The following ENTR1 variants were observed in gnomAD, a reference collection of about 807,000 sequenced individuals.
ENTR1 encodes the protein endosome associated trafficking regulator 1, also known as endosome-associated-trafficking regulator 1.
In ENTR1, 47 loss-of-function variants were observed where a neutral mutation model predicts 47.9. The observed-to-expected ratio is 0.98, with a 90% CI of 0.78 to 1.25. The LOEUF (loss-of-function observed/expected upper bound fraction) is 1.25, where lower values mean the gene tolerates loss of function less well. Among genes scored for constraint, ENTR1 ranks in the 50% most tolerant of loss-of-function variants. The pLI is 0.00. For missense variants in ENTR1, 668 were observed against 570.5 expected, an observed-to-expected ratio of 1.17 and a Z score of -1.74; for synonymous variants, 290 against 245.8, an observed-to-expected ratio of 1.18 and a Z score of -1.68.
At chr9:136,410,010 C>T (rs1302799086) in intron 2 of ENTR1, 80 bp downstream of exon 2, 14 of 1,535,100 alleles carry the variant, frequency 9.1e-6, no homozygotes, top group South Asian at 2.3e-5. Context: ...GGTCAATGGA[C>T]GAGCTCGTGC....
At chr9:136,403,157 C>T (rs1465936342) in intron 9 of ENTR1, among the ~76,000 whole-genome samples, 1 of 7,146 alleles carries the variant, frequency 1.4e-4, no homozygotes, top group South Asian at 5.7e-3. Context: ...GGAGGAATTC[C>T]GGGGGTGGGG....
intron 2 of ENTR1, 57 bp from the exon 3 acceptor site, chr9:136,409,124 T>C (rs1314462947): frequency 3.9e-6 from 6 of 1,544,802 alleles, no homozygotes; most frequent in Admixed American, 1.7e-5. Context: ...GACCTCACAT[T>C]TGGTTTTTTT....
intron 7 of ENTR1, 84 bp from the exon 8 acceptor site, chr9:136,404,777 A>G (rs1834682672): frequency 2.1e-6 from 3 of 1,434,734 alleles, no homozygotes; most frequent in East Asian, 4.6e-5. Context: ...CCCAGGGAGC[A>G]GGAGGGCACC....
intron 2 of ENTR1, 111 bp downstream of exon 2, chr9:136,409,979 T>C: frequency 7.5e-7 from 1 of 1,332,194 alleles, no homozygotes; most frequent in South Asian, 1.2e-5. Context: ...TGGCACGCAG[T>C]GAGCGCTCTG....
At position 136,405,212 on chromosome 9, in the gene ENTR1, G is replaced by A. The variant is rs1440465866; in HGVS notation, c.894-10C>T. ...CTCAAGCGTCCTCACCCTTGTTAAAGAAAAACCCGAGTTGTTAATTTCTGT... is the reference window on the plus strand; with the variant it reads ...CTCAAGCGTCCTCACCCTTGTTAAAAAAAAACCCGAGTTGTTAATTTCTGT... On this transcript the variant is annotated splice_polypyrimidine_tract_variant and intron_variant, in intron 6 of 9. Transcript: ENST00000357365. The A allele has an allele frequency of 1.2e-6, 2 of 1,605,916 alleles. No homozygotes were observed. The highest frequency in any genetic ancestry group is 1.7e-5 in the Admixed American group (1 of 59,928).
In ENTR1 at chr9:136,407,905, G is replaced by C. The variant is rs777890644; in HGVS notation, c.323C>G (p.Pro108Arg). 6.2e-7 allele frequency: 1 copy of C among 1,611,984 alleles called. No homozygotes were observed. Among genetic ancestry groups the C allele is most frequent in the East Asian group, 2.2e-5 (1 of 44,874 alleles). Reference sequence around the variant, plus strand: ...CTTCAGAAACTCTCTAAAAGAGAATGGATTTGCCTCTTCCAGATCTTCAAA... The same window carrying C: ...CTTCAGAAACTCTCTAAAAGAGAATCGATTTGCCTCTTCCAGATCTTCAAA... ...DRFEDLEEAN[P>R]FSFREFLKTK... The change falls in exon 4 of 10, where the codon CCA (proline) becomes CGA (arginine). Residue 108 changes from proline (P) to arginine (R), a missense_variant. Transcript: ENST00000357365.
chr9:136,402,832 T>C lies in ENTR1; in HGVS notation c.1264A>G (p.Ile422Val), dbSNP rs372116420. Residue 422 changes from isoleucine (I) to valine (V), a missense_variant, in exon 10 of 10, where the codon ATA (isoleucine) becomes GTA (valine). Coordinates refer to ENST00000357365, the MANE Select transcript of ENTR1 (RefSeq NM_001039707.2). ...LNLVAEILKSIDRISEVKDEE... is the reference protein window; with the variant it reads ...LNLVAEILKSVDRISEVKDEE... Reference sequence around the variant, plus strand: ...TCTTTAACTTCAGAAATTCTGTCTATAGATTTAAGGATTTCGGCAACAAGA... The same window carrying C: ...TCTTTAACTTCAGAAATTCTGTCTACAGATTTAAGGATTTCGGCAACAAGA... 3.1e-6 allele frequency: 5 copies of C among 1,612,876 alleles called. No homozygotes were observed. The highest frequency in any genetic ancestry group is 1.3e-5 in the African/African-American group (1 of 74,746).
chr9:136,406,985 A>C (rs571515513), intron 5 of ENTR1, 160 bp downstream of exon 5: 2 of 705,286 alleles, frequency 2.8e-6, no homozygotes, highest in African/African-American at 3.6e-5. Flanking sequence ...GTGTAACCAG[A>C]AGCAAAGTCA....
rs934516836 is a variant in ENTR1, at chr9:136,410,185, G to C, written c.125C>G (p.Pro42Arg). Residue 42 changes from proline (P) to arginine (R), a missense_variant, in exon 2 of 10, where the codon CCC becomes CGC. By Grantham distance (103) the Pro-to-Arg change is moderately radical. Transcript: ENST00000357365. ...GGGGGAGTCCAGGTCCCTGCCATGG[G>C]GGCGCTCACAATTTAGCTGGGGGAG... Reference protein sequence around the residue: ...SCLPQLNCERPHGRDLDSPFF... With the variant: ...SCLPQLNCERRHGRDLDSPFF... The C allele has an allele frequency of 9.3e-6, 15 of 1,607,700 alleles. No individual in the cohort carries two copies. The highest frequency in any genetic ancestry group is 1.3e-5 in the Non-Finnish European group (15 of 1,177,966).
chr9:136,407,486 G>A lies in ENTR1; in HGVS notation c.478C>T (p.Gln160Ter). 6.2e-7 allele frequency: 1 copy of A among 1,609,148 alleles called. No homozygotes were observed. Among genetic ancestry groups the A allele is most frequent in the Non-Finnish European group, 8.5e-7 (1 of 1,179,642 alleles). Residue 160 changes from glutamine (Q) to a stop codon, truncating the protein, a stop_gained, in exon 5 of 10, where the codon CAG (glutamine) becomes TAG (stop). Coordinates refer to ENST00000357365, the MANE Select transcript of ENTR1 (RefSeq NM_001039707.2). LOFTEE classifies it high-confidence loss of function. ...SQTGGYGLEY[Q>*]QPFFEDPTGA... Reference sequence around the variant, plus strand: ...GTCGGATCCTCGAAAAATGGCTGCTGATACTCCAGGCCATACCCGCCGGTT... The same window carrying A: ...GTCGGATCCTCGAAAAATGGCTGCTAATACTCCAGGCCATACCCGCCGGTT...
chr9:136,405,988 G>T lies in ENTR1; in HGVS notation c.820-10C>A. 1 of 1,601,830 alleles carries T rather than the reference G, an allele frequency of 6.2e-7. No homozygotes were observed. Reference sequence around the variant, plus strand: ...AATTTTCATCTTTCAGCTGTGGAGAGAGAACATCCTTATTAGAAAGTCAGC... The same window carrying T: ...AATTTTCATCTTTCAGCTGTGGAGATAGAACATCCTTATTAGAAAGTCAGC... On this transcript the variant is annotated splice_polypyrimidine_tract_variant and intron_variant, in intron 5 of 9. Transcript: ENST00000357365.
In ENTR1 at chr9:136,405,222, AGTT is replaced by A; in HGVS notation, c.894-23_894-21del. On this transcript the variant is annotated intron_variant, in intron 6 of 9. Transcript: ENST00000357365. ...CTCACCCTTGTTAAAGAAAAACCCGAGTTGTTAATTTCTGTGGCTACTTTTAAG... is the reference window on the plus strand; with the variant it reads ...CTCACCCTTGTTAAAGAAAAACCCGAGTTAATTTCTGTGGCTACTTTTAAG... 2 of 1,585,808 alleles carry A rather than the reference AGTT, an allele frequency of 1.3e-6. No individual in the cohort carries two copies. Among genetic ancestry groups the A allele is most frequent in the Non-Finnish European group, 8.7e-7 (1 of 1,154,314 alleles).
In ENTR1 at chr9:136,410,466, C is replaced by G; in HGVS notation, c.-69G>C. 2.0e-6 allele frequency: 2 copies of G among 1,019,434 alleles called. No individual in the cohort carries two copies. Among genetic ancestry groups the G allele is most frequent in the Non-Finnish European group, 2.4e-6 (2 of 844,738 alleles). 63.1% of individuals were successfully genotyped at this position (1,019,434 alleles called of 1,614,324 possible). ...GCGGCTCCATGGCCCCGGCTCCGCCCGTGCCGCGGCCCGCGTCGCCCGCCC... is the reference window on the plus strand; with the variant it reads ...GCGGCTCCATGGCCCCGGCTCCGCCGGTGCCGCGGCCCGCGTCGCCCGCCC... On this transcript the variant is annotated 5_prime_UTR_variant, in exon 1 of 10. Transcript: ENST00000357365.
chr9:136,409,665 A>G (rs1335102268), intron 2 of ENTR1, among the ~76,000 whole-genome samples: 1 of 151,934 alleles, frequency 6.6e-6, no homozygotes, highest in Non-Finnish European at 1.5e-5. Context: ...ATCCTGGCAT[A>G]ACCACACAAA....
Position 136,407,858 on chromosome 9 carries a change from T to C in ENTR1, c.370A>G (p.Lys124Glu). 4.3e-6 allele frequency: 7 copies of C among 1,613,324 alleles called. No individual in the cohort carries two copies. Among genetic ancestry groups the C allele is most frequent in the Non-Finnish European group, 5.9e-6 (7 of 1,179,292 alleles). ...FLKTKNLGLSKEDPASRIYAK... is the reference protein window; with the variant it reads ...FLKTKNLGLSEEDPASRIYAK... ...TAAATTCTGCTGGCCGGATCCTCTT[T>C]CGAGAGGCCGAGGTTCTTGGTCTTC... is the stretch of plus-strand genomic sequence containing the variant. Residue 124 changes from lysine to glutamate, a missense_variant, in exon 4 of 10, where the codon AAA becomes GAA. Lys to Glu is a moderately conservative substitution (Grantham distance 56). Coordinates refer to ENST00000357365, the MANE Select transcript of ENTR1 (RefSeq NM_001039707.2).
rs760519537 is a variant in ENTR1 at position 136,402,874 on chromosome 9, C to T, written c.1222G>A (p.Gly408Arg). 1.7e-5 allele frequency: 27 copies of T among 1,610,200 alleles called. No individual in the cohort carries two copies. Among genetic ancestry groups the T allele is most frequent in the Middle Eastern group, 1.6e-4 (1 of 6,072 alleles). Residue 408 changes from glycine (G) to arginine (R), a missense_variant, in exon 10 of 10, where the codon GGA (glycine) becomes AGA (arginine). Physicochemically the swap from Gly to Arg is moderately radical, Grantham distance 125. Coordinates refer to ENST00000357365, the MANE Select transcript of ENTR1 (RefSeq NM_001039707.2). ...GCAACAAGATTCAGTGTCTCAGCTC[C>T]GGAAACCAGTTGCCTGAAAACAAGC... is the stretch of plus-strand genomic sequence containing the variant. ...AQASIKQLVS[G>R]AETLNLVAEI...
At chr9:136,408,725 G>A (rs573733293) in intron 3 of ENTR1, among the ~76,000 whole-genome samples, 3 of 152,194 alleles carry the variant, frequency 2.0e-5, no homozygotes, top group South Asian at 2.1e-4. Flanking sequence ...CCCACCCTCC[G>A]GGGACTTAAG....
chr9:136,403,016 G>A (rs1834563931), intron 9 of ENTR1, 129 bp from the exon 10 acceptor site: 1 of 468,668 alleles, frequency 2.1e-6, no homozygotes, highest in African/African-American at 2.4e-5. Flanking sequence ...GGAAAGGGGA[G>A]AGGTTCTGAG....
chr9:136,407,361 G>T lies in ENTR1; in HGVS notation c.603C>A (p.Val201=). 1 of 1,607,530 alleles carries T rather than the reference G, an allele frequency of 6.2e-7. No homozygotes were observed. The highest frequency in any genetic ancestry group is 8.5e-7 in the Non-Finnish European group (1 of 1,177,992). Residue 201 remains valine, a synonymous_variant, in exon 5 of 10, where the codon GTC becomes GTA. Coordinates refer to ENST00000357365, the MANE Select transcript of ENTR1 (RefSeq NM_001039707.2). ...TGCTGCAGGGCGACGTGCCGGCAGG[G>T]ACCCTCTCGGGGTGAGTCTGCTCGA... The part of the protein sequence containing the change: ...SAIEQTHPER[V]PAGTSPCSTY...
Sources: gnomAD v4.1 joint callset for allele counts (sites outside exome capture counted in the v4.1 genomes callset) on GRCh38, gnomAD v4.1.1 for gene constraint, MANE v1.5 for transcripts, NCBI Gene and HGNC (gene_info 2026-07-23, HGNC 2026-07-21) for gene names.